Variants in TXNDC16 observed in about 807,000 individuals in gnomAD.
The protein encoded by TXNDC16 is thioredoxin domain-containing protein 16.
A neutral mutation model predicts 85.6 loss-of-function variants in TXNDC16; 74 were observed. The observed-to-expected ratio is 0.86, with a 90% confidence interval of 0.72 to 1.05. The LOEUF is 1.05. TXNDC16 is among the 50% of genes least tolerant of loss of function. TXNDC16 has a pLI of 0.00. For synonymous variants in TXNDC16, 335 were observed against 326.5 expected (o/e 1.03, Z -0.28); for missense variants, 959 against 947.0 (o/e 1.01, Z -0.17).
At chr14:52,463,462 T>A (rs1007818386) in intron 16 of TXNDC16, among the ~76,000 whole-genome samples, 1 of 152,202 alleles carries the variant, frequency 6.6e-6, no homozygotes, top group African/African-American at 2.4e-5. Context: ...AAAGAACCAT[T>A]TGCGGCTGGG....
At chr14:52,550,484 G>A (rs2038021426) in intron 1 of TXNDC16, among the ~76,000 whole-genome samples, 1 of 152,022 alleles carries the variant, frequency 6.6e-6, no homozygotes, top group African/African-American at 2.4e-5. Flanking sequence ...TCCTCTACCT[G>A]CACCCTCACC....
chr14:52,536,800 A>G lies in TXNDC16; in HGVS notation c.318-7T>C. 6.3e-7 allele frequency: 1 copy of G among 1,596,444 alleles called. No homozygotes were observed. The highest frequency in any genetic ancestry group is 1.7e-5 in the Admixed American group (1 of 58,598). On this transcript the variant is annotated splice_region_variant and splice_polypyrimidine_tract_variant and intron_variant, in intron 5 of 20. Coordinates refer to ENST00000281741, the MANE Select transcript of TXNDC16 (RefSeq NM_020784.3). Reference sequence around the variant, plus strand: ...TCTGAGCAATATGTTGCCCCTATAAAAAGTTTAAAAACATATTAATATTGA... The same window carrying G: ...TCTGAGCAATATGTTGCCCCTATAAGAAGTTTAAAAACATATTAATATTGA...
intron 9 of TXNDC16, among the ~76,000 whole-genome samples, chr14:52,507,786 C>T (rs1358841071): frequency 1.3e-5 from 2 of 152,126 alleles, no homozygotes. Context: ...TGATCTTTGA[C>T]AAATGTGACA....
chr14:52,464,954 A>G (rs1238408824), intron 16 of TXNDC16, among the ~76,000 whole-genome samples: 1 of 152,184 alleles, frequency 6.6e-6, no homozygotes, highest in Non-Finnish European at 1.5e-5. Context: ...AAAAAAATAA[A>G]AAATATAAAG....
intron 6 of TXNDC16, among the ~76,000 whole-genome samples, chr14:52,528,655 T>G (rs1470449008): frequency 6.6e-6 from 1 of 151,114 alleles, no homozygotes; most frequent in Non-Finnish European, 1.5e-5. Context: ...AATTGCTTAG[T>G]AGTAAGTCAC....
chr14:52,516,585 C>T (rs1337123350), intron 7 of TXNDC16, among the ~76,000 whole-genome samples: 1 of 152,086 alleles, frequency 6.6e-6, no homozygotes, highest in African/African-American at 2.4e-5. Context: ...TGTGGTATTC[C>T]ACTATGCTGG....
chr14:52,509,113 A>C (rs566863091), intron 9 of TXNDC16, among the ~76,000 whole-genome samples: 2 of 152,178 alleles, frequency 1.3e-5, no homozygotes, highest in East Asian at 3.9e-4. Context: ...ATAAGATCAG[A>C]GAATCTTCCT....
At chr14:52,530,258 T>TATAATAATATATATATTATATA (rs552800699) in intron 6 of TXNDC16, among the ~76,000 whole-genome samples, 1 of 59,426 alleles carries the variant, frequency 1.7e-5, no homozygotes, top group African/African-American at 7.0e-5. Context: ...ATATATATTA[T>TATAATAATATATATATTATATA]ATAATATATA....
intron 9 of TXNDC16, among the ~76,000 whole-genome samples, chr14:52,498,722 AAT>A (rs2036589086): frequency 6.6e-6 from 1 of 152,202 alleles, no homozygotes; most frequent in Non-Finnish European, 1.5e-5. Flanking sequence ...AAGACTTAAT[AAT>A]ATTATTAAAA....
chr14:52,511,465 G>A (rs2140182714), intron 8 of TXNDC16, 75 bp from the exon 9 acceptor site: 1 of 998,066 alleles, frequency 1.0e-6, no homozygotes, highest in African/African-American at 1.6e-5. Context: ...CTGTAACAAT[G>A]AATTTTGTCT....
chr14:52,489,572 A>G (rs969185931), intron 11 of TXNDC16, among the ~76,000 whole-genome samples: 1 of 152,218 alleles, frequency 6.6e-6, no homozygotes, highest in African/African-American at 2.4e-5. Context: ...ATCAAACTTA[A>G]TTTGTTCCAA....
At chr14:52,522,948 C>A (rs1278573878) in intron 6 of TXNDC16, among the ~76,000 whole-genome samples, 1 of 152,104 alleles carries the variant, frequency 6.6e-6, no homozygotes, top group East Asian at 1.9e-4. Flanking sequence ...GCCTAATGTC[C>A]CAAAGCTCAT....
intron 16 of TXNDC16, among the ~76,000 whole-genome samples, chr14:52,469,119 G>T (rs1007422758): frequency 6.6e-6 from 1 of 151,932 alleles, no homozygotes; most frequent in Non-Finnish European, 1.5e-5. Flanking sequence ...GGCCAAGATG[G>T]GTGGATCACT....
At chr14:52,496,250 C>T (rs1032313090) in intron 9 of TXNDC16, among the ~76,000 whole-genome samples, 2 of 151,960 alleles carry the variant, frequency 1.3e-5, no homozygotes, top group African/African-American at 4.8e-5. Flanking sequence ...ATATACACTC[C>T]TAGTTGAAGC....
chr14:52,538,424 C>T (rs2037752356), intron 4 of TXNDC16, among the ~76,000 whole-genome samples: 1 of 152,116 alleles, frequency 6.6e-6, no homozygotes, highest in African/African-American at 2.4e-5. Context: ...TATATAATAA[C>T]AATCTTGGCA....
chr14:52,472,966 C>G (rs2035943180), intron 14 of TXNDC16, among the ~76,000 whole-genome samples: 1 of 152,156 alleles, frequency 6.6e-6, no homozygotes. Context: ...CTGTAAGGAG[C>G]AGACAAGATG....
intron 14 of TXNDC16, among the ~76,000 whole-genome samples, chr14:52,480,959 G>GTATATATATATATA (rs1272935057): frequency 1.6e-4 from 14 of 89,534 alleles, no homozygotes; most frequent in African/African-American, 5.0e-4. Flanking sequence ...GTGTGTGTGT[G>GTATATATATATATA]TGTATATATA....
chr14:52,448,788 A>G (rs1028662223), intron 18 of TXNDC16, among the ~76,000 whole-genome samples: 2 of 152,100 alleles, frequency 1.3e-5, no homozygotes, highest in Non-Finnish European at 2.9e-5. Context: ...AAAAAGCAGG[A>G]GATGAAGTTA....
chr14:52,505,162 T>C (rs562920387), intron 9 of TXNDC16, among the ~76,000 whole-genome samples: 1 of 152,212 alleles, frequency 6.6e-6, no homozygotes, highest in South Asian at 2.1e-4. Context: ...GACAGATCAA[T>C]AAGACAGAAA....
Sources: allele counts gnomAD v4.1 joint callset (sites outside exome capture counted in the v4.1 genomes callset), GRCh38; gene constraint gnomAD v4.1.1; transcripts MANE v1.5; gene names NCBI Gene and HGNC (gene_info 2026-07-23, HGNC 2026-07-21).